The following UNC5C variants were observed in gnomAD, a reference collection of about 807,000 sequenced individuals.
The protein encoded by UNC5C is unc-5 netrin receptor C.
In UNC5C, 47 loss-of-function variants were observed where a neutral mutation model predicts 99.8. That is an observed-to-expected ratio of 0.47 (90% CI 0.37 to 0.60). UNC5C has a LOEUF of 0.60. Among genes scored for constraint, UNC5C ranks in the 20% least tolerant of loss-of-function variants. The probability of loss-of-function intolerance (pLI) is 0.00; values close to 1 mark genes in which losing one functional copy is unlikely to be tolerated. For synonymous variants in UNC5C, 487 were observed against 452.2 expected (o/e 1.08, Z -0.98); for missense variants, 1,062 against 1,165.9 (o/e 0.91, Z 1.30).
At chr4:95,267,949 ATTTTT>A (rs869293955) in intron 4 of UNC5C, among the ~76,000 whole-genome samples, 2 of 117,568 alleles carry the variant, frequency 1.7e-5, no homozygotes, top group South Asian at 2.7e-4. Context: ...GAATTTTGTG[ATTTTT>A]TTTTTTTTTT....
chr4:95,213,983 AC>A (rs566803913), intron 10 of UNC5C, among the ~76,000 whole-genome samples: 10 of 152,230 alleles, frequency 6.6e-5, no homozygotes, highest in Non-Finnish European at 1.3e-4. Flanking sequence ...TTGCTAAGGT[AC>A]TAACTGAAAC....
At chr4:95,246,048 T>G (rs2149380081) in intron 5 of UNC5C, among the ~76,000 whole-genome samples, 1 of 152,350 alleles carries the variant, frequency 6.6e-6, no homozygotes, top group Non-Finnish European at 1.5e-5. Context: ...ATTTGCCCAA[T>G]ATTTTGTTTT....
chr4:95,257,533 G>A (rs1740048861), intron 4 of UNC5C, among the ~76,000 whole-genome samples: 1 of 152,154 alleles, frequency 6.6e-6, no homozygotes. Context: ...TGGAAAGGGG[G>A]GTGCAAGGGG....
intron 1 of UNC5C, among the ~76,000 whole-genome samples, chr4:95,442,069 A>G (rs556726387): frequency 6.6e-6 from 1 of 152,310 alleles, no homozygotes; most frequent in South Asian, 2.1e-4. Flanking sequence ...GACGCTGTGA[A>G]CCATGTCAAC....
rs190681357 is a variant in UNC5C at position 95,329,820 on chromosome 4, G to A, written c.346+5590C>T. On this transcript the variant is annotated intron_variant, in intron 2 of 15. Coordinates refer to ENST00000453304, the MANE Select transcript of UNC5C (RefSeq NM_003728.4). Reference sequence around the variant, plus strand: ...TATTCAAATTTAATAATGCCTTCCTGTAAGACTTATAGATTGTGTGTCTTA... The same window carrying A: ...TATTCAAATTTAATAATGCCTTCCTATAAGACTTATAGATTGTGTGTCTTA... Among the ~76,000 whole-genome samples, 594 of 152,186 alleles carry A rather than the reference G, an allele frequency of 3.9e-3. 1 individual carries two copies. Among genetic ancestry groups the A allele is most frequent in the African/African-American group, 0.014 (562 of 41,516 alleles).
chr4:95,205,662 T>C (rs182602116), intron 11 of UNC5C, among the ~76,000 whole-genome samples: 2 of 152,318 alleles, frequency 1.3e-5, no homozygotes, highest in Admixed American at 6.5e-5. Context: ...TTTTACATTT[T>C]ATACAAGTAT....
intron 12 of UNC5C, among the ~76,000 whole-genome samples, chr4:95,192,282 CCTCTT>C (rs1227453154): frequency 7.8e-6 from 1 of 127,690 alleles, no homozygotes; most frequent in East Asian, 2.3e-4. Flanking sequence ...CTTCTGCCCA[CCTCTT>C]CTCACCTCCT....
intron 1 of UNC5C, among the ~76,000 whole-genome samples, chr4:95,513,259 T>G (rs917725772): frequency 6.6e-6 from 1 of 152,220 alleles, no homozygotes; most frequent in Non-Finnish European, 1.5e-5. Context: ...TTTTTCTTTG[T>G]AATCTATTTA....
rs1356346022 is a variant in UNC5C at position 95,198,170 on chromosome 4, G to A, written c.2136+4561C>T. Among the ~76,000 whole-genome samples the A allele has an allele frequency of 2.6e-5, 4 of 152,122 alleles. No individual in the cohort carries two copies. In the East Asian group the frequency reaches 5.8e-4, roughly 22 times the overall value. On this transcript the variant is annotated intron_variant, in intron 12 of 15. Coordinates refer to ENST00000453304, the MANE Select transcript of UNC5C (RefSeq NM_003728.4). ...CGCCCAGCTAATTTTTACATTTTCA[G>A]TAGAGACGGGGTTTCACCATGTTGG...
intron 2 of UNC5C, among the ~76,000 whole-genome samples, chr4:95,308,347 G>A (rs1479999222): frequency 6.6e-6 from 1 of 151,950 alleles, no homozygotes; most frequent in African/African-American, 2.4e-5. Flanking sequence ...ATAATCCCAT[G>A]TATAATAGCT....
intron 1 of UNC5C, among the ~76,000 whole-genome samples, chr4:95,489,874 A>T (rs1269789123): frequency 6.6e-6 from 1 of 151,708 alleles, no homozygotes; most frequent in Non-Finnish European, 1.5e-5. Flanking sequence ...AGATGAGTGT[A>T]TGATTCTGGA....
intron 10 of UNC5C, chr4:95,215,898 GA>G: frequency 2.6e-6 from 1 of 379,918 alleles, no homozygotes; most frequent in Non-Finnish European, 4.7e-6. Flanking sequence ...GTCCACTTGG[GA>G]AAAGATCTCT....
intron 1 of UNC5C, among the ~76,000 whole-genome samples, chr4:95,455,044 A>G (rs1747389867): frequency 6.6e-6 from 1 of 152,130 alleles, no homozygotes; most frequent in Non-Finnish European, 1.5e-5. Flanking sequence ...ATGTTACATT[A>G]TAAGACTGAA....
At chr4:95,485,832 C>T (rs1721313046) in intron 1 of UNC5C, among the ~76,000 whole-genome samples, 3 of 151,642 alleles carry the variant, frequency 2.0e-5, no homozygotes, top group South Asian at 2.1e-4. Flanking sequence ...TTATGCTCTA[C>T]TCAGATCGTC....
chr4:95,381,691 A>T (rs1745076451), intron 1 of UNC5C, among the ~76,000 whole-genome samples: 1 of 152,242 alleles, frequency 6.6e-6, no homozygotes, highest in Admixed American at 6.5e-5. Flanking sequence ...TTTACTGTCA[A>T]CAATGAATAT....
Position 95,202,799 on chromosome 4 carries a change from G to A in UNC5C, c.2068C>T (p.Leu690=). 2 of 1,614,256 alleles carry A rather than the reference G, an allele frequency of 1.2e-6. No homozygotes were observed. Among genetic ancestry groups the A allele is most frequent in the South Asian group, 1.1e-5 (1 of 91,088 alleles). The stretch of plus-strand genomic sequence containing the variant: ...CTGTACTCCAGCGAGGAGCAGCACA[G>A]GGGCCCAAAGATGGCCAGCTTGAGG... ...KRLKLAIFGP[L]CCSSLEYSIR... is the part of the protein sequence containing the mutation. The change falls in exon 12 of 16, where the codon CTG becomes TTG. Residue 690 remains leucine, a synonymous_variant. Transcript: ENST00000453304.
At chr4:95,462,544 T>A (rs1472744728) in intron 1 of UNC5C, among the ~76,000 whole-genome samples, 7 of 152,144 alleles carry the variant, frequency 4.6e-5, no homozygotes, top group African/African-American at 1.4e-4. Flanking sequence ...TAGGGTAACT[T>A]CTTGTAATAT....
At position 95,193,532 on chromosome 4, in the gene UNC5C, G is replaced by T. The variant is rs370557200; in HGVS notation, c.2137-8336C>A. On this transcript the variant is annotated intron_variant, in intron 12 of 15. Transcript: ENST00000453304. ...CAGCCCTCAATGACTGTGCTGGCTG[G>T]TGTTTAAAAAAAATCACATCTGCCA... is the stretch of plus-strand genomic sequence containing the variant. Among the ~76,000 whole-genome samples, 53 of 152,274 alleles carry T rather than the reference G, an allele frequency of 3.5e-4. No individual in the cohort carries two copies. In the East Asian group the frequency reaches 7.7e-3, roughly 22 times the overall value.
In UNC5C at chr4:95,288,143, C is replaced by T. The variant is rs566813836; in HGVS notation, c.491-9781G>A. Reference sequence around the variant, plus strand: ...TGTCACCCAGGCTGGAGTGCAGTGGCGCGACCTCTGCTCACTGAAAACTCT... The same window carrying T: ...TGTCACCCAGGCTGGAGTGCAGTGGTGCGACCTCTGCTCACTGAAAACTCT... On this transcript the variant is annotated intron_variant, in intron 3 of 15. Transcript: ENST00000453304. Among the ~76,000 whole-genome samples, 227 of 151,578 alleles carry T rather than the reference C, an allele frequency of 1.5e-3. 2 individuals are homozygous for T. The highest frequency in any genetic ancestry group is 0.015 in the South Asian group (70 of 4,802).
Sources: gnomAD v4.1 joint callset for allele counts (sites outside exome capture counted in the v4.1 genomes callset) on GRCh38, gnomAD v4.1.1 for gene constraint, MANE v1.5 for transcripts, NCBI Gene and HGNC (gene_info 2026-07-23, HGNC 2026-07-21) for gene names.